RSPH1: variants seen among roughly 807,000 people sequenced by gnomAD.
RSPH1 encodes radial spoke head component 1.
In RSPH1, 32 loss-of-function variants were observed where a neutral mutation model predicts 44.2. The ratio of observed to expected loss-of-function variants is 0.72; its 90% confidence interval spans 0.55 to 0.97. The LOEUF is 0.97. Ranked by LOEUF, RSPH1 falls within the 50% of genes least tolerant of loss-of-function variation. The pLI is 0.00. For synonymous variants in RSPH1, 134 were observed against 147.3 expected (o/e 0.91, Z 0.65); for missense variants, 391 against 398.7 (o/e 0.98, Z 0.16).
At chr21:42,486,341 T>A in intron 4 of RSPH1, 30 bp downstream of exon 4, 1 of 1,475,062 alleles carries the variant, frequency 6.8e-7, no homozygotes, top group Non-Finnish European at 9.5e-7. Flanking sequence ...CATAAGCAAA[T>A]CCCGTTAAGA....
chr21:42,476,663 G>T (rs1297639688), intron 7 of RSPH1, among the ~76,000 whole-genome samples: 1 of 152,118 alleles, frequency 6.6e-6, no homozygotes, highest in African/African-American at 2.4e-5. Context: ...CCAGCCCGGG[G>T]TCACACCCAC....
At chr21:42,495,727 C>T (rs969932793) in intron 1 of RSPH1, among the ~76,000 whole-genome samples, 4 of 152,168 alleles carry the variant, frequency 2.6e-5, no homozygotes, top group African/African-American at 9.7e-5. Flanking sequence ...CATCTAAATG[C>T]CGGGGGAGCA....
intron 3 of RSPH1, among the ~76,000 whole-genome samples, chr21:42,490,182 C>T (rs1287767976): frequency 2.0e-5 from 3 of 151,730 alleles, no homozygotes; most frequent in Non-Finnish European, 4.4e-5. Flanking sequence ...ATCCAAGTCA[C>T]CCGCCACCCA....
rs2054004752 is a variant in RSPH1 at position 42,472,746 on chromosome 21, T to C, written c.*72A>G. On this transcript the variant is annotated 3_prime_UTR_variant, in exon 9 of 9. Transcript: ENST00000291536. ...AGCCTCTCAAGTAGCTGGAACTAGA[T>C]ACACACAGCACTGCACCCGGCTAAC... The C allele has an allele frequency of 8.5e-7, 1 of 1,172,762 alleles. No homozygotes were observed. Among genetic ancestry groups the C allele is most frequent in the Non-Finnish European group, 1.2e-6 (1 of 800,530 alleles). The allele number at this position is 1,172,762 out of a possible 1,614,324, so 72.6% of individuals were successfully genotyped here.
chr21:42,490,450 T>C (rs1679687315), intron 3 of RSPH1, among the ~76,000 whole-genome samples: 1 of 152,222 alleles, frequency 6.6e-6, no homozygotes, highest in African/African-American at 2.4e-5. Flanking sequence ...GCTTACTATG[T>C]TATAATTAAT....
chr21:42,489,864 C>G (rs779527504), intron 3 of RSPH1, among the ~76,000 whole-genome samples: 197 of 152,350 alleles, frequency 1.3e-3, no homozygotes, highest in Non-Finnish European at 6.5e-4. Context: ...GTCAAGTGCT[C>G]ATTTTTTCCA....
At chr21:42,490,550 T>C (rs958797945) in intron 3 of RSPH1, among the ~76,000 whole-genome samples, 1 of 152,176 alleles carries the variant, frequency 6.6e-6, no homozygotes, top group Non-Finnish European at 1.5e-5. Flanking sequence ...CTCTGGGTAG[T>C]GGCTAAATCT....
chr21:42,490,427 T>A (rs2054225413), intron 3 of RSPH1, among the ~76,000 whole-genome samples: 1 of 152,222 alleles, frequency 6.6e-6, no homozygotes, highest in Admixed American at 6.5e-5. Context: ...ATTTTGTGAT[T>A]GGAAGAGTAT....
chr21:42,485,759 ATACT>A lies in RSPH1; in HGVS notation c.407_410del (p.Lys136MetfsTer6), dbSNP rs587777059. On this transcript the variant is annotated frameshift_variant, in exon 5 of 9. Coordinates refer to ENST00000291536, the MANE Select transcript of RSPH1 (RefSeq NM_080860.4). LOFTEE classifies it high-confidence loss of function. ...GCTGTCCGTTCACCCAGGTGCCAAC[ATACT>A]TACTGCCCGTCTCCGCGTATAAATA... is the stretch of plus-strand genomic sequence containing the variant. The A allele has an allele frequency of 1.5e-5, 24 of 1,614,202 alleles. No individual in the cohort carries two copies. The highest frequency in any genetic ancestry group is 1.9e-5 in the Non-Finnish European group (23 of 1,180,026).
At chr21:42,479,605 G>A (rs2054104967) in intron 6 of RSPH1, among the ~76,000 whole-genome samples, 1 of 152,084 alleles carries the variant, frequency 6.6e-6, no homozygotes, top group Non-Finnish European at 1.5e-5. Flanking sequence ...TTCCTTCAGG[G>A]AACAGATGAG....
chr21:42,476,197 G>A, intron 7 of RSPH1, 150 bp from the exon 8 acceptor site: 1 of 753,042 alleles, frequency 1.3e-6, no homozygotes, highest in South Asian at 1.8e-5. Context: ...CATCCACCCA[G>A]CCCAGCCTAG....
intron 1 of RSPH1, among the ~76,000 whole-genome samples, chr21:42,494,476 G>A (rs553249091): frequency 1.3e-5 from 2 of 152,250 alleles, no homozygotes; most frequent in Non-Finnish European, 2.9e-5. Context: ...ATGTACAAAA[G>A]TCCCCTCCTT....
chr21:42,475,504 G>T (rs180779878), intron 8 of RSPH1, among the ~76,000 whole-genome samples: 198 of 150,102 alleles, frequency 1.3e-3, no homozygotes, highest in African/African-American at 4.6e-3. Flanking sequence ...TGAGGTGGAG[G>T]TTGCAGTGAG....
At chr21:42,492,702 C>A in intron 3 of RSPH1, 56 bp downstream of exon 3, 5 of 1,012,678 alleles carry the variant, frequency 4.9e-6, no homozygotes, top group Non-Finnish European at 7.7e-6. Flanking sequence ...CAAGTTCAGT[C>A]ATAAAGAAAG....
At chr21:42,489,108 G>T (rs2054209726) in intron 3 of RSPH1, among the ~76,000 whole-genome samples, 1 of 152,128 alleles carries the variant, frequency 6.6e-6, no homozygotes, top group Non-Finnish European at 1.5e-5. Context: ...TGGCTGGCTG[G>T]TTGGTTGGTT....
At chr21:42,484,544 G>A (rs1193381368) in intron 5 of RSPH1, 4 of 152,220 alleles carry the variant, frequency 2.6e-5, no homozygotes, top group Non-Finnish European at 5.9e-5. Flanking sequence ...CAGAAATAGT[G>A]TGGAAGGATT....
Position 42,492,206 on chromosome 21 carries a change from G to A in RSPH1, c.274+552C>T, listed in dbSNP as rs775705386. ...ACCAGGTGACAACGGCACAAGGGGC[G>A]GCAGGGAGGTTCTTGGAAATAAAGG... On this transcript the variant is annotated intron_variant, in intron 3 of 8. Transcript: ENST00000291536. 2.8e-4 allele frequency among the ~76,000 whole-genome samples: 43 copies of A among 152,184 alleles called. 1 individual carries two copies. Among genetic ancestry groups the A allele is most frequent in the Non-Finnish European group, 5.7e-4 (39 of 68,034 alleles).
chr21:42,477,147 TCCAC>T (rs2054068651), intron 7 of RSPH1, 140 bp downstream of exon 7: 7 of 561,480 alleles, frequency 1.2e-5, no homozygotes, highest in Middle Eastern at 7.2e-4. Flanking sequence ...CTCTGCCCCC[TCCAC>T]CCCACAGCCC....
rs79884245 is a variant in RSPH1, at chr21:42,485,315, G to A, written c.501+354C>T. The A allele has an allele frequency of 4.6e-3, 1,047 of 229,598 alleles. 7 individuals carry two copies. Among genetic ancestry groups the A allele is most frequent in the African/African-American group, 0.023 (992 of 43,864 alleles). The allele number at this position is 229,598 out of a possible 1,614,324, so 14.2% of individuals were successfully genotyped here. ...GGAAACAAAACCCAAACACCTCTATGCTCAATTGCAGGAAATAGATATTTG... is the reference window on the plus strand; with the variant it reads ...GGAAACAAAACCCAAACACCTCTATACTCAATTGCAGGAAATAGATATTTG... On this transcript the variant is annotated intron_variant, in intron 5 of 8. Transcript: ENST00000291536.
Sources: allele counts gnomAD v4.1 joint callset (sites outside exome capture counted in the v4.1 genomes callset), GRCh38; gene constraint gnomAD v4.1.1; transcripts MANE v1.5; gene names NCBI Gene and HGNC (gene_info 2026-07-23, HGNC 2026-07-21).